Variants in ATF7IP2 observed in about 807,000 individuals in gnomAD.
The protein encoded by ATF7IP2 is activating transcription factor 7 interacting protein 2.
In ATF7IP2, 42 loss-of-function variants were observed where a neutral mutation model predicts 64.2. The ratio of observed to expected loss-of-function variants is 0.65; its 90% CI spans 0.51 to 0.85. The LOEUF is 0.85. ATF7IP2 is among the 40% of genes least tolerant of loss of function. The pLI, the probability that ATF7IP2 is intolerant of heterozygous loss-of-function variation, is 0.00. For missense variants in ATF7IP2, 933 were observed against 784.2 expected, an observed-to-expected ratio of 1.19 and a Z score of -2.27; for synonymous variants, 308 against 272.8, an observed-to-expected ratio of 1.13 and a Z score of -1.27.
intron 12 of ATF7IP2, among the ~76,000 whole-genome samples, chr16:10,475,838 A>C (rs969382333): frequency 7.2e-5 from 11 of 151,932 alleles, no homozygotes. Context: ...TGGTCCAAAC[A>C]CTCCATTGAA....
intron 8 of ATF7IP2, chr16:10,445,884 C>A (rs1283667590): frequency 1.3e-5 from 2 of 152,140 alleles, no homozygotes; most frequent in Admixed American, 1.3e-4. Context: ...AAGCCTTGTT[C>A]AATCGAAATT....
At chr16:10,402,892 A>C (rs2047562588) in intron 1 of ATF7IP2, among the ~76,000 whole-genome samples, 1 of 134,106 alleles carries the variant, frequency 7.5e-6, no homozygotes, top group Non-Finnish European at 1.6e-5. Flanking sequence ...TCAACGACAC[A>C]GCGAGACCCT....
chr16:10,429,382 G>T (rs1048458408), intron 4 of ATF7IP2, among the ~76,000 whole-genome samples: 2 of 152,168 alleles, frequency 1.3e-5, no homozygotes, highest in African/African-American at 4.8e-5. Context: ...ACAGAGTCTC[G>T]CTCTGTCATC....
At chr16:10,472,066 A>G (rs945162793) in intron 9 of ATF7IP2, 44 bp from the exon 10 acceptor site, 14 of 1,060,828 alleles carry the variant, frequency 1.3e-5, no homozygotes, top group Non-Finnish European at 1.8e-5. Context: ...AAGCCTGATA[A>G]TGCATGTTTA....
At chr16:10,420,088 A>T (rs1351494793) in intron 3 of ATF7IP2, among the ~76,000 whole-genome samples, 1 of 152,182 alleles carries the variant, frequency 6.6e-6, no homozygotes, top group Non-Finnish European at 1.5e-5. Flanking sequence ...TCATTCCACA[A>T]TGGGTTGTCC....
At chr16:10,449,603 A>ATATTATTCT in intron 8 of ATF7IP2, 1 of 152,268 alleles carries the variant, frequency 6.6e-6, no homozygotes, top group South Asian at 2.1e-4. Flanking sequence ...AGAGGTGTTC[A>ATATTATTCT]TATTATTCTC....
At chr16:10,402,930 T>C (rs952710635) in intron 1 of ATF7IP2, among the ~76,000 whole-genome samples, 8 of 151,078 alleles carry the variant, frequency 5.3e-5, no homozygotes, top group African/African-American at 1.9e-4. Flanking sequence ...AAATGTTGAG[T>C]CTTGTTTTGT....
chr16:10,434,390 C>G (rs2048350943), intron 6 of ATF7IP2, among the ~76,000 whole-genome samples: 1 of 152,194 alleles, frequency 6.6e-6, no homozygotes, highest in Admixed American at 6.5e-5. Context: ...AGACTAATGT[C>G]TTCCAGCTGT....
Position 10,473,909 on chromosome 16 carries a change from T to TTTTTTTTTA in ATF7IP2, c.1483-14_1483-13insTTTTTTTTA. Reference sequence around the variant, plus strand: ...TGAGGCAAAGCTTTTTTTTTTTTTTTACAATTTTTTTAGGCTGTACAGAAG... The same window carrying TTTTTTTTTA: ...TGAGGCAAAGCTTTTTTTTTTTTTTTTTTTTTTTAACAATTTTTTTAGGCTGTACAGAAG... On this transcript the variant is annotated splice_polypyrimidine_tract_variant and intron_variant, in intron 11 of 13. Transcript: ENST00000562102. 2.8e-6 allele frequency: 4 copies of TTTTTTTTTA among 1,409,302 alleles called. No homozygotes were observed. Among genetic ancestry groups the TTTTTTTTTA allele is most frequent in the Non-Finnish European group, 3.8e-6 (4 of 1,044,936 alleles). The allele number at this position is 1,409,302 out of a possible 1,614,324, so 87.3% of individuals were successfully genotyped here.
At chr16:10,474,682 G>T (rs2142082672) in intron 12 of ATF7IP2, among the ~76,000 whole-genome samples, 1 of 152,204 alleles carries the variant, frequency 6.6e-6, no homozygotes, top group African/African-American at 2.4e-5. Context: ...ACATACCCAA[G>T]GTGTTTAAAA....
chr16:10,415,301 T>C (rs1433636764), intron 2 of ATF7IP2, among the ~76,000 whole-genome samples: 1 of 152,186 alleles, frequency 6.6e-6, no homozygotes, highest in Non-Finnish European at 1.5e-5. Context: ...ACAGAATAGA[T>C]ATCCCGGAAA....
intron 9 of ATF7IP2, among the ~76,000 whole-genome samples, chr16:10,465,353 T>C (rs1255136463): frequency 6.6e-6 from 1 of 152,076 alleles, no homozygotes; most frequent in Non-Finnish European, 1.5e-5. Flanking sequence ...TAGAAATGTT[T>C]CTCCAAGGTA....
At chr16:10,471,881 T>C (rs2049812474) in intron 9 of ATF7IP2, 1 of 325,754 alleles carries the variant, frequency 3.1e-6, no homozygotes. Context: ...CCATAAAATG[T>C]AGTAGGGATC....
intron 4 of ATF7IP2, among the ~76,000 whole-genome samples, chr16:10,429,711 TTTTATTTTATTTTATTTTA>T (rs1352691860): frequency 6.2e-5 from 9 of 144,888 alleles, no homozygotes; most frequent in African/African-American, 1.5e-4. Context: ...TTTTATTTTA[TTTTATTTTATTTTATTTTA>T]TTTATTTTAT....
chr16:10,394,045 A>T (rs1176603333), intron 1 of ATF7IP2, among the ~76,000 whole-genome samples: 1 of 152,196 alleles, frequency 6.6e-6, no homozygotes, highest in East Asian at 1.9e-4. Context: ...AACAAAAACA[A>T]CCAAGTAATG....
intron 12 of ATF7IP2, among the ~76,000 whole-genome samples, chr16:10,480,394 TCTC>T (rs1041050344): frequency 4.6e-5 from 7 of 151,942 alleles, no homozygotes; most frequent in Non-Finnish European, 1.0e-4. Flanking sequence ...CCTTTCTGTT[TCTC>T]CTCCTTCCCC....
At chr16:10,476,965 C>CA (rs979746934) in intron 12 of ATF7IP2, among the ~76,000 whole-genome samples, 1 of 152,122 alleles carries the variant, frequency 6.6e-6, no homozygotes, top group Admixed American at 6.5e-5. Context: ...TTAACATATA[C>CA]ATGCATGTAT....
At chr16:10,413,149 C>CCATTTA (rs1567435905) in intron 1 of ATF7IP2, among the ~76,000 whole-genome samples, 1 of 152,064 alleles carries the variant, frequency 6.6e-6, no homozygotes, top group Non-Finnish European at 1.5e-5. Flanking sequence ...AGCATTTAGG[C>CCATTTA]CATTTACATT....
intron 9 of ATF7IP2, among the ~76,000 whole-genome samples, chr16:10,461,711 T>A: frequency 6.6e-6 from 1 of 152,144 alleles, no homozygotes; most frequent in East Asian, 1.9e-4. Flanking sequence ...GTACCACATA[T>A]GCCATTTATG....
Sources: allele counts gnomAD v4.1 joint callset (sites outside exome capture counted in the v4.1 genomes callset), GRCh38; gene constraint gnomAD v4.1.1; transcripts MANE v1.5; gene names NCBI Gene and HGNC (gene_info 2026-07-23, HGNC 2026-07-21).